The following H6PD variants were observed in gnomAD, a reference collection of about 807,000 sequenced individuals.
H6PD encodes the protein hexose-6-phosphate dehydrogenase/glucose 1-dehydrogenase, also known as GDH/6PGL endoplasmic bifunctional protein.
In H6PD, 48 loss-of-function variants were observed where a neutral mutation model predicts 61.2. That is an observed-to-expected ratio of 0.78 (90% CI 0.62 to 1.00). H6PD has a LOEUF of 1.00. Ranked by LOEUF, H6PD falls within the 50% of genes least tolerant of loss-of-function variation. The pLI is 0.00. For missense variants in H6PD, 1,093 were observed against 1,065.0 expected, an observed-to-expected ratio of 1.03 and a Z score of -0.37; for synonymous variants, 480 against 457.9, an observed-to-expected ratio of 1.05 and a Z score of -0.62.
chr1:9,255,116 A>G (rs1641475892), intron 3 of H6PD, among the ~76,000 whole-genome samples: 1 of 152,096 alleles, frequency 6.6e-6, no homozygotes, highest in Non-Finnish European at 1.5e-5. Flanking sequence ...GGTTGCCTCT[A>G]CTTTTTGGCT....
intron 1 of H6PD, among the ~76,000 whole-genome samples, chr1:9,239,602 T>G (rs1640939718): frequency 6.6e-6 from 1 of 152,222 alleles, no homozygotes. Context: ...GTGCTTTAGT[T>G]TCAAATGATC....
In H6PD at chr1:9,268,055, C is replaced by A. The variant is rs1299462650; in HGVS notation, c.*3186C>A. Reference sequence around the variant, plus strand: ...CCCAGAAGGTTGAAACCAGCCTGGGCAACATAGTGAGACCCCATCTCTACA... The same window carrying A: ...CCCAGAAGGTTGAAACCAGCCTGGGAAACATAGTGAGACCCCATCTCTACA... On this transcript the variant is annotated 3_prime_UTR_variant, in exon 5 of 5. Transcript: ENST00000377403. The A allele has an allele frequency of 6.6e-6, 1 of 151,968 alleles. No homozygotes were observed. The highest frequency in any genetic ancestry group is 2.4e-5 in the African/African-American group (1 of 41,340). The allele number at this position is 151,968 out of a possible 1,614,324, so 9.4% of individuals were successfully genotyped here.
chr1:9,262,383 C>T, intron 4 of H6PD, 55 bp downstream of exon 4: 1 of 1,507,472 alleles, frequency 6.6e-7, no homozygotes, highest in Non-Finnish European at 9.0e-7. Context: ...CCGGGAGCAG[C>T]TTTCCAAATG....
chr1:9,238,264 G>A (rs987834344), intron 1 of H6PD, among the ~76,000 whole-genome samples: 4 of 152,196 alleles, frequency 2.6e-5, no homozygotes, highest in Admixed American at 6.5e-5. Context: ...AGGCAGGATG[G>A]TAAGAGAAGA....
chr1:9,261,268 C>T (rs1638279697), intron 3 of H6PD, among the ~76,000 whole-genome samples: 1 of 152,120 alleles, frequency 6.6e-6, no homozygotes, highest in African/African-American at 2.4e-5. Context: ...CCTGCAAGAC[C>T]CCTGATCTCC....
At position 9,249,726 on chromosome 1, in the gene H6PD, A is replaced by C. The variant is rs899945631; in HGVS notation, c.745+2643A>C. Among the ~76,000 whole-genome samples the C allele has an allele frequency of 2.6e-5, 4 of 152,186 alleles. No individual in the cohort carries two copies. In the South Asian group the frequency reaches 8.3e-4, roughly 31 times the overall value. On this transcript the variant is annotated intron_variant, in intron 3 of 4. Transcript: ENST00000377403. Reference sequence around the variant, plus strand: ...GACCAGAGTGGGGCTAGTTCAGTCCACGTTCCTTGTCAGAGGTGGCCAGCA... The same window carrying C: ...GACCAGAGTGGGGCTAGTTCAGTCCCCGTTCCTTGTCAGAGGTGGCCAGCA...
At chr1:9,260,588 G>A (rs977449109) in intron 3 of H6PD, among the ~76,000 whole-genome samples, 26 of 151,920 alleles carry the variant, frequency 1.7e-4, no homozygotes, top group African/African-American at 6.1e-4. Flanking sequence ...TGTTACACTG[G>A]TGTTGCACTG....
At chr1:9,257,498 A>G (rs895802838) in intron 3 of H6PD, among the ~76,000 whole-genome samples, 9 of 152,106 alleles carry the variant, frequency 5.9e-5, no homozygotes, top group African/African-American at 1.9e-4. Context: ...TTCTCACCAC[A>G]TTACGTCTTG....
chr1:9,264,096 G>A lies in H6PD; in HGVS notation c.1603G>A (p.Gly535Arg). 1 of 1,613,962 alleles carries A rather than the reference G, an allele frequency of 6.2e-7. No homozygotes were observed. The change falls in exon 5 of 5, where the codon GGG (glycine) becomes AGG (arginine). Residue 535 changes from glycine to arginine, a missense_variant. Gly to Arg is a moderately radical substitution (Grantham distance 125). Transcript: ENST00000377403. ...QQPEQLVPGP[G>R]PAPMPSDFQV... Reference sequence around the variant, plus strand: ...GCCGGAGCAGCTGGTGCCAGGGCCAGGGCCGGCCCCAATGCCCAGTGACTT... The same window carrying A: ...GCCGGAGCAGCTGGTGCCAGGGCCAAGGCCGGCCCCAATGCCCAGTGACTT...
At position 9,264,624 on chromosome 1, in the gene H6PD, G is replaced by A. The variant is rs142131644; in HGVS notation, c.2131G>A (p.Asp711Asn). The A allele has an allele frequency of 5.0e-4, 812 of 1,613,064 alleles. No individual in the cohort carries two copies. The highest frequency in any genetic ancestry group is 6.3e-4 in the Non-Finnish European group (739 of 1,179,932). ...CTTCCCACAGTCACCCACTGGCCTGGATGGCGAGCAGCTGGTCGTGCTGAC... is the reference window on the plus strand; with the variant it reads ...CTTCCCACAGTCACCCACTGGCCTGAATGGCGAGCAGCTGGTCGTGCTGAC... ...SLFPQSPTGL[D>N]GEQLVVLTTS... The change falls in exon 5 of 5, where the codon GAT becomes AAT. Residue 711 changes from aspartate (D) to asparagine (N), a missense_variant. Physicochemically the swap from Asp to Asn is conservative, Grantham distance 23. Coordinates refer to ENST00000377403, the MANE Select transcript of H6PD (RefSeq NM_004285.4).
chr1:9,254,570 G>T lies in H6PD; in HGVS notation c.745+7487G>T, dbSNP rs146399210. On this transcript the variant is annotated intron_variant, in intron 3 of 4. Transcript: ENST00000377403. This position sits in a 1 kb window ranked among gnomAD's most constrained non-coding sequence, Gnocchi z 4.6. ...TGTTACTTCCTTTGATGGCAGCAAA[G>T]GCTGCCTCACTGATTTCACTACCAC... 1.3e-5 allele frequency among the ~76,000 whole-genome samples: 2 copies of T among 152,010 alleles called. No homozygotes were observed. The highest frequency in any genetic ancestry group is 2.9e-5 in the Non-Finnish European group (2 of 67,976).
At position 9,239,826 on chromosome 1, in the gene H6PD, T is replaced by G. The variant is rs115520546; in HGVS notation, c.-11+4760T>G. The G allele has an allele frequency of 1.4e-3, 549 of 402,898 alleles. 2 individuals carry two copies. The highest frequency in any genetic ancestry group is 0.011 in the African/African-American group (516 of 48,786). 25.0% of individuals were successfully genotyped at this position (402,898 alleles called of 1,614,324 possible). On this transcript the variant is annotated intron_variant, in intron 1 of 4. Transcript: ENST00000377403. ...TCTGCTGGGCATAGAGGATTAGAAC[T>G]GCTTCCTCCTGTGGTTTACCAGAAA...
intron 3 of H6PD, among the ~76,000 whole-genome samples, chr1:9,249,623 A>G (rs1287867751): frequency 6.6e-6 from 1 of 152,204 alleles, no homozygotes; most frequent in Non-Finnish European, 1.5e-5. Context: ...CCTTCAGCCC[A>G]GGGGCAAAGG....
In H6PD at chr1:9,265,188, C is replaced by T. The variant is rs532608266; in HGVS notation, c.*319C>T. ...TATCAACCAGCACAACACGGGATGG[C>T]GCCCAAACTCCGGCGTTCACAAGAG... On this transcript the variant is annotated 3_prime_UTR_variant, in exon 5 of 5. Coordinates refer to ENST00000377403, the MANE Select transcript of H6PD (RefSeq NM_004285.4). The T allele has an allele frequency of 3.2e-4, 144 of 448,968 alleles. 1 individual carries two copies. Among genetic ancestry groups the T allele is most frequent in the South Asian group, 2.7e-3 (127 of 46,848 alleles). The allele number at this position is 448,968 out of a possible 1,614,324, so 27.8% of individuals were successfully genotyped here. A position where few individuals can be genotyped will look rare whatever the true frequency, so the allele number is the denominator to read the frequency against.
intron 3 of H6PD, 152 bp from the exon 4 acceptor site, chr1:9,261,907 G>T (rs1638312108): frequency 1.1e-5 from 8 of 761,036 alleles, no homozygotes; most frequent in Non-Finnish European, 1.9e-5. Context: ...TGGTGAGGTT[G>T]GCTTTGGTGT....
intron 1 of H6PD, among the ~76,000 whole-genome samples, chr1:9,243,790 G>C (rs1046454292): frequency 6.6e-6 from 1 of 150,778 alleles, no homozygotes; most frequent in African/African-American, 2.4e-5. Context: ...CCCAGACACT[G>C]TTGTTGGTCC....
Position 9,268,142 on chromosome 1 carries a change from G to A in H6PD, c.*3273G>A, listed in dbSNP as rs538115153. ...TGGTCCCAGCTACTCGGGAGTCTGA[G>A]GTGGGAGGATCACCTGAGCCCAGGA... On this transcript the variant is annotated 3_prime_UTR_variant, in exon 5 of 5. Transcript: ENST00000377403. 1 of 151,920 alleles carries A rather than the reference G, an allele frequency of 6.6e-6. No individual in the cohort carries two copies. Among genetic ancestry groups the A allele is most frequent in the East Asian group, 1.9e-4 (1 of 5,160 alleles). 9.4% of individuals were successfully genotyped at this position (151,920 alleles called of 1,614,324 possible).
At chr1:9,255,254 G>A (rs1050834514) in intron 3 of H6PD, among the ~76,000 whole-genome samples, 2 of 151,062 alleles carry the variant, frequency 1.3e-5, no homozygotes, top group African/African-American at 4.9e-5. Flanking sequence ...ACTGTTTGAG[G>A]CCAATAACTC....
At chr1:9,262,994 C>A (rs1023340003) in intron 4 of H6PD, among the ~76,000 whole-genome samples, 1 of 152,174 alleles carries the variant, frequency 6.6e-6, no homozygotes, top group Non-Finnish European at 1.5e-5. Flanking sequence ...CTGGCTCTTG[C>A]CACCAGGCCT....
Sources: gnomAD v4.1 joint callset for allele counts (sites outside exome capture counted in the v4.1 genomes callset) on GRCh38, gnomAD v4.1.1 for gene constraint, Gnocchi (gnomAD v3.1) non-coding constraint, MANE v1.5 for transcripts, NCBI Gene and HGNC (gene_info 2026-07-23, HGNC 2026-07-21) for gene names.